Variants in SBF2 observed in about 807,000 individuals in gnomAD.
SBF2 encodes the protein myotubularin-related protein 13.
A neutral mutation model predicts 225.2 loss-of-function variants in SBF2; 112 were observed. That is an observed-to-expected ratio of 0.50 (90% CI 0.43 to 0.58). SBF2 has a LOEUF of 0.58. Ranked by LOEUF, SBF2 falls within the 20% of genes least tolerant of loss-of-function variation. SBF2 has a pLI of 0.00. For missense variants in SBF2, 1,996 were observed against 2,206.2 expected (o/e 0.90, Z 1.91); for synonymous variants, 763 against 773.3 (o/e 0.99, Z 0.22).
At chr11:9,966,933 A>G (rs760222985) in intron 14 of SBF2, among the ~76,000 whole-genome samples, 29 of 152,194 alleles carry the variant, frequency 1.9e-4, no homozygotes, top group Non-Finnish European at 3.5e-4. Flanking sequence ...CTGAAAACAT[A>G]TCTACACAAA....
intron 6 of SBF2, among the ~76,000 whole-genome samples, chr11:10,005,116 C>T (rs1008353484): frequency 6.6e-6 from 1 of 152,206 alleles, no homozygotes; most frequent in Admixed American, 6.5e-5. Context: ...GAAAGGCAGT[C>T]TTCCAACAGA....
intron 6 of SBF2, among the ~76,000 whole-genome samples, chr11:10,025,139 G>A (rs1489635183): frequency 6.6e-6 from 1 of 152,086 alleles, no homozygotes; most frequent in Non-Finnish European, 1.5e-5. Context: ...TACAGGGCAG[G>A]TATATAAAAA....
At chr11:9,960,813 T>G (rs1866518754) in intron 16 of SBF2, 1 of 152,132 alleles carries the variant, frequency 6.6e-6, no homozygotes, top group South Asian at 2.1e-4. Context: ...TACAGGCGCC[T>G]GCCATCAAGC....
At chr11:9,915,277 T>C (rs1321209325) in intron 16 of SBF2, among the ~76,000 whole-genome samples, 1 of 151,888 alleles carries the variant, frequency 6.6e-6, no homozygotes, top group African/African-American at 2.4e-5. Context: ...TGAAACCCTA[T>C]CTCTACTAAA....
chr11:10,278,260 A>G (rs1335845205), intron 1 of SBF2, among the ~76,000 whole-genome samples: 1 of 152,238 alleles, frequency 6.6e-6, no homozygotes, highest in Non-Finnish European at 1.5e-5. Flanking sequence ...GAAAAATTTT[A>G]TGATGAAGAC....
At chr11:10,243,861 A>G (rs1959485124) in intron 1 of SBF2, among the ~76,000 whole-genome samples, 1 of 152,234 alleles carries the variant, frequency 6.6e-6, no homozygotes, top group African/African-American at 2.4e-5. Context: ...GATAAATTCT[A>G]CCAAACATTT....
chr11:10,293,929 G>GGCCCCGACGCCCA, intron 1 of SBF2, 86 bp downstream of exon 1: 3 of 1,038,520 alleles, frequency 2.9e-6, no homozygotes, highest in Non-Finnish European at 3.7e-6. Flanking sequence ...CCCGACGCCC[G>GGCCCCGACGCCCA]TCCCCGACGC....
At chr11:10,099,489 CTAAT>C (rs1952186384) in intron 2 of SBF2, among the ~76,000 whole-genome samples, 3 of 152,104 alleles carry the variant, frequency 2.0e-5, no homozygotes, top group African/African-American at 4.8e-5. Context: ...CAAAACTATT[CTAAT>C]TAATAACCTG....
At chr11:10,146,862 A>T (rs1444010401) in intron 2 of SBF2, among the ~76,000 whole-genome samples, 1 of 152,130 alleles carries the variant, frequency 6.6e-6, no homozygotes, top group Non-Finnish European at 1.5e-5. Context: ...AGGAACTTAA[A>T]TTTGCAAGAA....
chr11:9,903,503 C>T (rs1160850916), intron 16 of SBF2, among the ~76,000 whole-genome samples: 1 of 152,070 alleles, frequency 6.6e-6, no homozygotes. Flanking sequence ...CAATTCTTGC[C>T]TCCTCAGAAG....
intron 2 of SBF2, among the ~76,000 whole-genome samples, chr11:10,135,035 G>C (rs1954279803): frequency 6.6e-6 from 1 of 152,216 alleles, no homozygotes; most frequent in South Asian, 2.1e-4. Flanking sequence ...TGGACATCCA[G>C]GCATTTCCAC....
chr11:10,224,822 G>GCTGTT (rs1958476191), intron 1 of SBF2, among the ~76,000 whole-genome samples: 1 of 152,076 alleles, frequency 6.6e-6, no homozygotes, highest in South Asian at 2.1e-4. Context: ...TTATGGTGTT[G>GCTGTT]TTGTTTTGTT....
intron 1 of SBF2, among the ~76,000 whole-genome samples, chr11:10,234,290 CT>C (rs1958973581): frequency 1.3e-5 from 2 of 152,040 alleles, no homozygotes; most frequent in Non-Finnish European, 2.9e-5. Flanking sequence ...AAGGATGTAT[CT>C]TTTTTTCCTG....
chr11:9,842,679 T>C lies in SBF2; in HGVS notation c.3202A>G (p.Ile1068Val), dbSNP rs751591965. ...GGACGATTTACTCTTTCTTCCACAA[T>C]TGTCCCTGTCTTCTTCTTCAGTAAA... ...QYLLKKKTGT[I>V]VEERVNRPGW... Residue 1068 changes from isoleucine (I) to valine (V), a missense_variant, in exon 25 of 40, where the codon ATT (isoleucine) becomes GTT (valine). Ile to Val is a conservative substitution (Grantham distance 29). Coordinates refer to ENST00000256190, the MANE Select transcript of SBF2 (RefSeq NM_030962.4). 2 of 1,614,170 alleles carry C rather than the reference T, an allele frequency of 1.2e-6. No individual in the cohort carries two copies. Among genetic ancestry groups the C allele is most frequent in the South Asian group, 1.1e-5 (1 of 91,084 alleles).
chr11:9,907,285 C>T (rs1411087241), intron 16 of SBF2, among the ~76,000 whole-genome samples: 4 of 152,106 alleles, frequency 2.6e-5, no homozygotes, highest in South Asian at 2.1e-4. Context: ...TCTACCCACC[C>T]GACCATATGG....
intron 17 of SBF2, among the ~76,000 whole-genome samples, chr11:9,895,369 T>C (rs1474276937): frequency 6.6e-6 from 1 of 152,236 alleles, no homozygotes; most frequent in Non-Finnish European, 1.5e-5. Flanking sequence ...TACAAGTCCT[T>C]CACGGGAAAA....
chr11:9,963,626 C>CT (rs1866722723), intron 15 of SBF2, 147 bp downstream of exon 15: 1 of 604,618 alleles, frequency 1.7e-6, no homozygotes, highest in African/African-American at 1.9e-5. Flanking sequence ...ATCTTAGACA[C>CT]TATTCATTTA....
At chr11:9,873,161 G>T (rs1858919288) in intron 17 of SBF2, among the ~76,000 whole-genome samples, 1 of 120,728 alleles carries the variant, frequency 8.3e-6, no homozygotes, top group Non-Finnish European at 1.6e-5. Flanking sequence ...AGCCAAGACC[G>T]CACCACTGCA....
At chr11:10,304,215 A>C (rs1448254098) in intron 1 of SBF2, among the ~76,000 whole-genome samples, 1 of 152,194 alleles carries the variant, frequency 6.6e-6, no homozygotes, top group Non-Finnish European at 1.5e-5. Flanking sequence ...CTGTAAAATG[A>C]TTAGCATACG....
Sources: gnomAD v4.1 joint callset for allele counts (sites outside exome capture counted in the v4.1 genomes callset) on GRCh38, gnomAD v4.1.1 for gene constraint, MANE v1.5 for transcripts, NCBI Gene and HGNC (gene_info 2026-07-23, HGNC 2026-07-21) for gene names.